RBFOX1: variants seen among roughly 807,000 people sequenced by gnomAD.
The protein encoded by RBFOX1 is RNA binding protein fox-1 homolog 1.
A neutral mutation model predicts 57.7 loss-of-function variants in RBFOX1; 8 were observed. The ratio of observed to expected loss-of-function variants is 0.14; its 90% CI spans 0.08 to 0.25. The LOEUF is 0.25. Ranked by LOEUF, RBFOX1 falls within the 10% of genes least tolerant of loss-of-function variation. The pLI is 1.00. For synonymous variants in RBFOX1, 326 were observed against 222.4 expected (o/e 1.47, Z -4.15); for missense variants, 611 against 548.5 (o/e 1.11, Z -1.14).
intron 4 of RBFOX1, among the ~76,000 whole-genome samples, chr16:6,012,631 A>T (rs2094968258): frequency 6.6e-6 from 1 of 152,220 alleles, no homozygotes; most frequent in African/African-American, 2.4e-5. Context: ...CTAATGCAAA[A>T]AGGGGATGTG....
chr16:5,815,084 A>G (rs115318946), intron 3 of RBFOX1, among the ~76,000 whole-genome samples: 2,769 of 151,760 alleles, frequency 0.018, 99 homozygotes, highest in African/African-American at 0.064. Context: ...CCTGGGTTCA[A>G]CAATCCTACC....
chr16:6,496,757 C>G (rs147277138), intron 2 of RBFOX1, among the ~76,000 whole-genome samples: 3 of 152,102 alleles, frequency 2.0e-5, no homozygotes, highest in Admixed American at 1.3e-4. Flanking sequence ...GTCAGGAGTT[C>G]GAGACCAGCC....
At chr16:6,525,252 G>A (rs951080225) in intron 2 of RBFOX1, among the ~76,000 whole-genome samples, 2 of 152,174 alleles carry the variant, frequency 1.3e-5, no homozygotes, top group African/African-American at 4.8e-5. Flanking sequence ...GAGCAAAGTG[G>A]CACTCAGAGA....
At chr16:7,451,984 G>A (rs1035220465) in intron 4 of RBFOX1, among the ~76,000 whole-genome samples, 1 of 152,160 alleles carries the variant, frequency 6.6e-6, no homozygotes, top group Admixed American at 6.5e-5. Context: ...AACAGAGAGA[G>A]ACAAAGAGAC....
intron 3 of RBFOX1, among the ~76,000 whole-genome samples, chr16:7,008,539 C>CA (rs570659825): frequency 5.1e-4 from 76 of 149,058 alleles, no homozygotes; most frequent in South Asian, 4.7e-3. Context: ...GACTTTGTCT[C>CA]AAAAAAAAAG....
In RBFOX1 at chr16:6,690,372, C is replaced by T. The variant is rs946305799; in HGVS notation, c.-16+35722C>T. On this transcript the variant is annotated intron_variant, in intron 3 of 15. Coordinates refer to ENST00000550418, the MANE Select transcript of RBFOX1 (RefSeq NM_018723.4). ...TTTCTAGAAAAGATAATTCACAGAT[C>T]CATTCGTGACAAAAATTCATATAAA... 4.6e-5 allele frequency among the ~76,000 whole-genome samples: 7 copies of T among 151,832 alleles called. No homozygotes were observed. In the East Asian group the frequency reaches 9.7e-4, roughly 21 times the overall value.
At chr16:5,773,085 G>T (rs1171709641) in intron 3 of RBFOX1, among the ~76,000 whole-genome samples, 1 of 152,138 alleles carries the variant, frequency 6.6e-6, no homozygotes, top group Non-Finnish European at 1.5e-5. Context: ...TACAATGAGA[G>T]ATGTGAAGGG....
rs1282864473 is a variant in RBFOX1, at chr16:6,780,459, T to TAG, written c.-16+125810_-16+125811insGA. Among the ~76,000 whole-genome samples, 840 of 103,486 alleles carry TAG rather than the reference T, an allele frequency of 8.1e-3. 4 individuals carry two copies. Among genetic ancestry groups the TAG allele is most frequent in the East Asian group, 0.026 (68 of 2,596 alleles). The allele number at this position is 103,486 out of a possible 152,430, so 67.9% of individuals were successfully genotyped here. A position where few individuals can be genotyped will look rare whatever the true frequency, so the allele number is the denominator to read the frequency against. On this transcript the variant is annotated intron_variant, in intron 3 of 15. Transcript: ENST00000550418. ...AGATATATTTATATATACATTTTTA[T>TAG]ATATATTTATATACATTTTTATATA...
chr16:7,592,413 AAGCATGAG>A (rs1432940580), intron 7 of RBFOX1, among the ~76,000 whole-genome samples: 1 of 152,182 alleles, frequency 6.6e-6, no homozygotes, highest in Non-Finnish European at 1.5e-5. Context: ...TTCAGACATG[AAGCATGAG>A]AGCAAGGTTC....
At chr16:5,993,669 A>G (rs925182460) in intron 4 of RBFOX1, among the ~76,000 whole-genome samples, 6 of 152,134 alleles carry the variant, frequency 3.9e-5, no homozygotes, top group African/African-American at 1.2e-4. Flanking sequence ...AAGATTACCC[A>G]TTTAGCTGCA....
intron 1 of RBFOX1, among the ~76,000 whole-genome samples, chr16:5,288,585 C>A (rs1225722445): frequency 6.6e-6 from 1 of 151,574 alleles, no homozygotes; most frequent in African/African-American, 2.4e-5. Flanking sequence ...TCCTTGTAAT[C>A]CCTGGTATTG....
intron 1 of RBFOX1, among the ~76,000 whole-genome samples, chr16:6,283,439 T>C (rs759804051): frequency 1.3e-4 from 20 of 152,204 alleles, no homozygotes; most frequent in Non-Finnish European, 2.4e-4. Flanking sequence ...CCAGTCCTTC[T>C]CAAGCAGATT....
intron 1 of RBFOX1, among the ~76,000 whole-genome samples, chr16:5,276,211 G>T (rs1177531602): frequency 6.6e-6 from 1 of 152,184 alleles, no homozygotes; most frequent in Non-Finnish European, 1.5e-5. Flanking sequence ...AAAGCCTCCT[G>T]CACAGCAAAG....
At chr16:5,327,065 T>G (rs2064596880) in intron 1 of RBFOX1, among the ~76,000 whole-genome samples, 2 of 152,198 alleles carry the variant, frequency 1.3e-5, no homozygotes, top group Admixed American at 6.5e-5. Context: ...AAAAGTAAAG[T>G]AGAACAAGGA....
rs114279559 is a variant in RBFOX1, at chr16:7,462,696, G to C, written c.28-55451G>C. Reference sequence around the variant, plus strand: ...AGCTCACTCAGCTTTGCCTGGTTCAGTCCCTGGCAGTGGTGAGACTGAGGC... The same window carrying C: ...AGCTCACTCAGCTTTGCCTGGTTCACTCCCTGGCAGTGGTGAGACTGAGGC... On this transcript the variant is annotated intron_variant, in intron 4 of 15. Coordinates refer to ENST00000550418, the MANE Select transcript of RBFOX1 (RefSeq NM_018723.4). Among the ~76,000 whole-genome samples, 370 of 152,318 alleles carry C rather than the reference G, an allele frequency of 2.4e-3. 2 individuals carry two copies. Among genetic ancestry groups the C allele is most frequent in the African/African-American group, 8.4e-3 (350 of 41,576 alleles).
chr16:7,531,966 C>T (rs1307481814), intron 5 of RBFOX1, among the ~76,000 whole-genome samples: 1 of 152,106 alleles, frequency 6.6e-6, no homozygotes, highest in Non-Finnish European at 1.5e-5. Context: ...TACCATTTGG[C>T]AAGCTCACAA....
chr16:6,399,710 G>A (rs7501212), intron 2 of RBFOX1, among the ~76,000 whole-genome samples: 115,971 of 151,832 alleles, frequency 0.76, 44,772 homozygotes, highest in African/African-American at 0.88. Context: ...CTCAATAACA[G>A]CTTATGTATT....
intron 1 of RBFOX1, among the ~76,000 whole-genome samples, chr16:5,256,341 C>G (rs374698802): frequency 9.2e-5 from 14 of 152,114 alleles, no homozygotes; most frequent in African/African-American, 3.4e-4. Flanking sequence ...GCTGGAAGTC[C>G]ACCAGATCTG....
At chr16:6,216,011 T>C (rs372467674) in intron 1 of RBFOX1, among the ~76,000 whole-genome samples, 48 of 152,256 alleles carry the variant, frequency 3.2e-4, no homozygotes, top group African/African-American at 1.1e-3. Context: ...CCATTGTCCT[T>C]AGCAAACTAA....
Sources: gnomAD v4.1 joint callset for allele counts (sites outside exome capture counted in the v4.1 genomes callset) on GRCh38, gnomAD v4.1.1 for gene constraint, MANE v1.5 for transcripts, NCBI Gene and HGNC (gene_info 2026-07-23, HGNC 2026-07-21) for gene names.